NUBP2: variants seen among roughly 807,000 people sequenced by gnomAD.
NUBP2 encodes the protein cytosolic Fe-S cluster assembly factor NUBP2.
A neutral mutation model predicts 24.9 loss-of-function variants in NUBP2; 23 were observed. The ratio of observed to expected loss-of-function variants is 0.92; its 90% confidence interval spans 0.66 to 1.31. The LOEUF (loss-of-function observed/expected upper bound fraction) is 1.31, where lower values mean the gene tolerates loss of function less well. Among genes scored for constraint, NUBP2 ranks in the 50% most tolerant of loss-of-function variants. The pLI, the probability that NUBP2 is intolerant of heterozygous loss-of-function variation, is 0.00. For missense variants in NUBP2, 403 were observed against 386.5 expected, an observed-to-expected ratio of 1.04 and a Z score of -0.36; for synonymous variants, 186 against 170.9, an observed-to-expected ratio of 1.09 and a Z score of -0.69.
chr16:1,787,749 G>C lies in NUBP2; in HGVS notation c.407G>C (p.Gly136Ala), dbSNP rs754151714. 10 of 1,612,614 alleles carry C rather than the reference G, an allele frequency of 6.2e-6. No individual in the cohort carries two copies. The highest frequency in any genetic ancestry group is 8.5e-6 in the Non-Finnish European group (10 of 1,179,928). ...TACCTGGTGGTGGACACGCCCCCGGGGACCTCCGATGAGCACATGGCCACC... is the reference window on the plus strand; with the variant it reads ...TACCTGGTGGTGGACACGCCCCCGGCGACCTCCGATGAGCACATGGCCACC... ...LDYLVVDTPPGTSDEHMATIE... is the reference protein window; with the variant it reads ...LDYLVVDTPPATSDEHMATIE... Residue 136 changes from glycine to alanine, a missense_variant, in exon 4 of 7, where the codon GGG (glycine) becomes GCG (alanine). By Grantham distance (60) the Gly-to-Ala change is moderately conservative. Transcript: ENST00000262302.
In NUBP2 at chr16:1,783,017, CG is replaced by C; in HGVS notation, c.-1del. On this transcript the variant is annotated 5_prime_UTR_variant, in exon 1 of 7. Transcript: ENST00000262302. ...TGCAGCCGCGAGCTCCTGGAGGCGG[CG>C]GGATGGAGGCGGCGGCCGGTGAGTG... 2 of 1,385,842 alleles carry C rather than the reference CG, an allele frequency of 1.4e-6. No homozygotes were observed. Among genetic ancestry groups the C allele is most frequent in the Non-Finnish European group, 9.4e-7 (1 of 1,065,186 alleles). The allele number at this position is 1,385,842 out of a possible 1,614,324, so 85.8% of individuals were successfully genotyped here. A position where few individuals can be genotyped will look rare whatever the true frequency, so the allele number is the denominator to read the frequency against.
Position 1,787,820 on chromosome 16 carries a change from A to G in NUBP2, c.478A>G (p.Thr160Ala), listed in dbSNP as rs866902527. 1.2e-6 allele frequency: 2 copies of G among 1,610,824 alleles called. No individual in the cohort carries two copies. Among genetic ancestry groups the G allele is most frequent in the South Asian group, 2.2e-5 (2 of 91,070 alleles). Residue 160 changes from threonine (T) to alanine (A), a missense_variant, in exon 4 of 7, where the codon ACC becomes GCC. Transcript: ENST00000262302. ...PYQPLGALVV[T>A]TPQAVSVGDV... ...CCAGCCCCTGGGGGCCCTCGTGGTC[A>G]CCACGCCCCAGGTAGCGCTGCGGCA...
intron 4 of NUBP2, 54 bp from the exon 5 acceptor site, chr16:1,787,887 G>C (rs970866624): frequency 1.9e-6 from 3 of 1,601,008 alleles, no homozygotes; most frequent in Non-Finnish European, 2.6e-6. Flanking sequence ...AGGGCTGGGC[G>C]GGTGTCCCTG....
chr16:1,786,404 G>C (rs1051784085), intron 1 of NUBP2, 133 bp from the exon 2 acceptor site: 8 of 804,224 alleles, frequency 9.9e-6, no homozygotes, highest in Non-Finnish European at 1.6e-5. Flanking sequence ...AGTGGGGCAC[G>C]GGCTGCCTCT....
intron 1 of NUBP2, chr16:1,785,499 G>C (rs889422904): frequency 1.7e-6 from 2 of 1,192,194 alleles, no homozygotes; most frequent in Non-Finnish European, 2.1e-6. Context: ...CAGAGTCCCC[G>C]GCAGCTACAG....
At chr16:1,788,326 CTCTCT>C (rs1897088290) in intron 6 of NUBP2, 119 bp downstream of exon 6, 6 of 1,152,548 alleles carry the variant, frequency 5.2e-6, no homozygotes, top group African/African-American at 1.6e-5. Flanking sequence ...CGGTTTCCTC[CTCTCT>C]TCTCGGGCCA....
chr16:1,788,896 T>C lies in NUBP2; in HGVS notation c.*182T>C. 2.5e-6 allele frequency: 2 copies of C among 812,110 alleles called. No individual in the cohort carries two copies. Among genetic ancestry groups the C allele is most frequent in the Non-Finnish European group, 3.7e-6 (2 of 540,650 alleles). The allele number at this position is 812,110 out of a possible 1,614,324, so 50.3% of individuals were successfully genotyped here. On this transcript the variant is annotated 3_prime_UTR_variant, in exon 7 of 7. Coordinates refer to ENST00000262302, the MANE Select transcript of NUBP2 (RefSeq NM_012225.4). ...GTGTCGCACCAGCAGCTCTGCCTGG[T>C]TGGCCTGCAGTGCCGTGGTCTGCGT... is the stretch of plus-strand genomic sequence containing the variant.
chr16:1,788,283 C>T lies in NUBP2; in HGVS notation c.670+76C>T, dbSNP rs1257254835. ...CCCTGGGCGGGTTTGACCTCCATGC[C>T]CCCAGTGCCCAAGGGAGAGGAGGGG... On this transcript the variant is annotated intron_variant, in intron 6 of 6. Transcript: ENST00000262302. 48 of 1,339,264 alleles carry T rather than the reference C, an allele frequency of 3.6e-5. No individual in the cohort carries two copies. The East Asian group carries it at 1.1e-3, about 31-fold the overall frequency. 83.0% of individuals were successfully genotyped at this position (1,339,264 alleles called of 1,614,324 possible). A position where few individuals can be genotyped will look rare whatever the true frequency, so the allele number is the denominator to read the frequency against.
At chr16:1,783,469 T>C (rs558468559) in intron 1 of NUBP2, 1 of 994,856 alleles carries the variant, frequency 1.0e-6, no homozygotes, top group Admixed American at 6.1e-5. Context: ...TGCTTTTAAG[T>C]TCTTTGTGGA....
In NUBP2 at chr16:1,787,733, G is replaced by T. The variant is rs139301301; in HGVS notation, c.391G>T (p.Val131Leu). Reference sequence around the variant, plus strand: ...CTGGGGGGAGCTGGACTACCTGGTGGTGGACACGCCCCCGGGGACCTCCGA... The same window carrying T: ...CTGGGGGGAGCTGGACTACCTGGTGTTGGACACGCCCCCGGGGACCTCCGA... ...VAWGELDYLV[V>L]DTPPGTSDEH... The change falls in exon 4 of 7, where the codon GTG becomes TTG. Residue 131 changes from valine to leucine, a missense_variant. Transcript: ENST00000262302. 1.2e-6 allele frequency: 2 copies of T among 1,612,564 alleles called. No homozygotes were observed. Among genetic ancestry groups the T allele is most frequent in the African/African-American group, 2.7e-5 (2 of 74,928 alleles).
rs528050266 is a variant in NUBP2, at chr16:1,787,298, A to G, written c.334+343A>G. 1.8e-4 allele frequency: 73 copies of G among 402,680 alleles called. No homozygotes were observed. The South Asian group carries it at 3.1e-3, about 17-fold the overall frequency. The allele number at this position is 402,680 out of a possible 1,614,324, so 24.9% of individuals were successfully genotyped here. A position where few individuals can be genotyped will look rare whatever the true frequency, so the allele number is the denominator to read the frequency against. On this transcript the variant is annotated intron_variant, in intron 3 of 6. Transcript: ENST00000262302. ...GCATTAGACGCCCCCAAAGGCAGGG[A>G]GAGGCTGGTGGGAGTGAGGCGCAGG...
chr16:1,783,012 G>T lies in NUBP2; in HGVS notation c.-9G>T. 1 of 1,393,622 alleles carries T rather than the reference G, an allele frequency of 7.2e-7. No homozygotes were observed. The highest frequency in any genetic ancestry group is 9.3e-7 in the Non-Finnish European group (1 of 1,069,578). The allele number at this position is 1,393,622 out of a possible 1,614,324, so 86.3% of individuals were successfully genotyped here. A position where few individuals can be genotyped will look rare whatever the true frequency, so the allele number is the denominator to read the frequency against. ...CGGACTGCAGCCGCGAGCTCCTGGAGGCGGCGGGATGGAGGCGGCGGCCGG... is the reference window on the plus strand; with the variant it reads ...CGGACTGCAGCCGCGAGCTCCTGGATGCGGCGGGATGGAGGCGGCGGCCGG... On this transcript the variant is annotated 5_prime_UTR_variant, in exon 1 of 7. It adds an upstream start codon to the 5' untranslated region. Transcript: ENST00000262302.
chr16:1,788,770 T>C lies in NUBP2; in HGVS notation c.*56T>C. On this transcript the variant is annotated 3_prime_UTR_variant, in exon 7 of 7. Transcript: ENST00000262302. ...CCACCAAGGGCTCTGCTCCAGCCTC[T>C]CAGAGAAACAGAGGCCTGGGCTCGG... 2 of 1,550,978 alleles carry C rather than the reference T, an allele frequency of 1.3e-6. No homozygotes were observed. The highest frequency in any genetic ancestry group is 1.7e-6 in the Non-Finnish European group (2 of 1,148,032).
At chr16:1,784,095 CTT>C (rs759541816) in intron 1 of NUBP2, 8,327 of 716,722 alleles carry the variant, frequency 0.012, no homozygotes, top group Non-Finnish European at 0.013. Context: ...TTGATAGAAG[CTT>C]TTTTTTTTTT....
chr16:1,786,468 G>A (rs903130478), intron 1 of NUBP2, 69 bp from the exon 2 acceptor site: 59 of 1,357,782 alleles, frequency 4.3e-5, no homozygotes, highest in Non-Finnish European at 5.2e-5. Flanking sequence ...AGAGGCAGTG[G>A]GTGACCCCGC....
At chr16:1,788,347 C>A in intron 6 of NUBP2, 140 bp downstream of exon 6, 1 of 1,086,006 alleles carries the variant, frequency 9.2e-7, no homozygotes, top group Non-Finnish European at 1.3e-6. Flanking sequence ...GGCCACACGC[C>A]ATGCCGCTGA....
In NUBP2 at chr16:1,787,931, T is replaced by G; in HGVS notation, c.490-10T>G. The stretch of plus-strand genomic sequence containing the variant: ...CCTGGCTGACCGTGGCCTCGGCTCC[T>G]GCCCCGCAGGCGGTGTCCGTGGGGG... On this transcript the variant is annotated splice_polypyrimidine_tract_variant and intron_variant, in intron 4 of 6. Coordinates refer to ENST00000262302, the MANE Select transcript of NUBP2 (RefSeq NM_012225.4). 6.2e-7 allele frequency: 1 copy of G among 1,603,802 alleles called. No homozygotes were observed.
chr16:1,788,260 C>G, intron 6 of NUBP2, 53 bp downstream of exon 6: 24 of 1,430,646 alleles, frequency 1.7e-5, no homozygotes, highest in South Asian at 3.0e-5. Flanking sequence ...CATCTCTGCC[C>G]TGGGCGGGTT....
chr16:1,786,649 CAAG>C lies in NUBP2; in HGVS notation c.133_135del (p.Lys45del), dbSNP rs1156628590. 2 of 1,612,746 alleles carry C rather than the reference CAAG, an allele frequency of 1.2e-6. No homozygotes were observed. The highest frequency in any genetic ancestry group is 2.2e-5 in the South Asian group (2 of 91,090). ...TGGCCCTGGCACTGCGCCATGCAGGCAAGAAGGTGAGCGCCCTACCCCTCACTG... is the reference window on the plus strand; with the variant it reads ...TGGCCCTGGCACTGCGCCATGCAGGCAAGGTGAGCGCCCTACCCCTCACTG... On this transcript the variant is annotated inframe_deletion, in exon 2 of 7. Coordinates refer to ENST00000262302, the MANE Select transcript of NUBP2 (RefSeq NM_012225.4).
Sources: gnomAD v4.1 joint callset for allele counts on GRCh38, gnomAD v4.1.1 for gene constraint, MANE v1.5 for transcripts, NCBI Gene and HGNC (gene_info 2026-07-23, HGNC 2026-07-21) for gene names.